TMCO5A: variants seen among roughly 807,000 people sequenced by gnomAD.
TMCO5A encodes the protein transmembrane and coiled-coil domains 5A, also known as transmembrane and coiled-coil domain-containing protein 5A.
In TMCO5A, 34 loss-of-function variants were observed where a neutral mutation model predicts 42.3. The ratio of observed to expected loss-of-function variants is 0.80; its 90% CI spans 0.61 to 1.07. The LOEUF (loss-of-function observed/expected upper bound fraction) is 1.07. Ranked by LOEUF, TMCO5A falls within the 50% of genes least tolerant of loss-of-function variation. TMCO5A has a pLI of 0.00. For missense variants in TMCO5A, 357 were observed against 327.9 expected (o/e 1.09, Z -0.69); for synonymous variants, 131 against 115.6 (o/e 1.13, Z -0.86).
At chr15:38,000,502 A>T in the TMCO5A span, among the ~76,000 whole-genome samples, 2 of 151,658 alleles carry the variant, frequency 1.3e-5, no homozygotes, top group African/African-American at 4.8e-5. Context: ...ATTTTTATTT[A>T]AATTTCATTC....
intron 11 of TMCO5A, among the ~76,000 whole-genome samples, chr15:37,964,901 T>TC (rs1890519688): frequency 1.3e-5 from 2 of 151,944 alleles, no homozygotes; most frequent in African/African-American, 4.8e-5. Flanking sequence ...TCACATAAAT[T>TC]TAAAAAAACT....
chr15:37,967,897 A>T (rs1278431546), downstream of TMCO5A, among the ~76,000 whole-genome samples: 1 of 152,150 alleles, frequency 6.6e-6, no homozygotes, highest in Non-Finnish European at 1.5e-5. Context: ...GTGAGAACAC[A>T]TAATGTCACT....
the TMCO5A span, among the ~76,000 whole-genome samples, chr15:38,008,441 T>A: frequency 4.6e-5 from 7 of 152,094 alleles, no homozygotes; most frequent in Non-Finnish European, 8.8e-5. Context: ...CTCAAAACAC[T>A]TTTTTCTATG....
the TMCO5A span, among the ~76,000 whole-genome samples, chr15:38,006,975 A>G: frequency 5.8e-4 from 89 of 152,280 alleles, no homozygotes; most frequent in African/African-American, 2.0e-3. Flanking sequence ...TGGATTAAAA[A>G]AAAATGGGTG....
downstream of TMCO5A, among the ~76,000 whole-genome samples, chr15:37,968,582 C>CTTTTTT (rs61091144): frequency 7.6e-6 from 1 of 131,154 alleles, no homozygotes. Flanking sequence ...TTCTACATTT[C>CTTTTTT]TTTTTTTTTT....
rs956155122 is a variant in TMCO5A at position 37,944,345 on chromosome 15, C to T, written c.627+947C>T. 5.3e-5 allele frequency: 8 copies of T among 152,172 alleles called. No homozygotes were observed. In the East Asian group the frequency reaches 1.6e-3, roughly 30 times the overall value. 9.4% of individuals were successfully genotyped at this position (152,172 alleles called of 1,614,324 possible). A position where few individuals can be genotyped will look rare whatever the true frequency, so the allele number is the denominator to read the frequency against. ...TTTTTGACATCTCCAATGTGTCCTACCATCTCTCCCCACAGCTCATCAAAA... is the reference window on the plus strand; with the variant it reads ...TTTTTGACATCTCCAATGTGTCCTATCATCTCTCCCCACAGCTCATCAAAA... On this transcript the variant is annotated intron_variant, in intron 10 of 11. Transcript: ENST00000319669.
the TMCO5A span, among the ~76,000 whole-genome samples, chr15:37,986,351 C>T: frequency 1.1e-4 from 15 of 141,132 alleles, no homozygotes; most frequent in Non-Finnish European, 1.5e-4. Flanking sequence ...CTGATGGAAG[C>T]GAAAAAAGAG....
chr15:37,973,209 T>C, the TMCO5A span, among the ~76,000 whole-genome samples: 1 of 151,820 alleles, frequency 6.6e-6, no homozygotes, highest in Non-Finnish European at 1.5e-5. Flanking sequence ...TGTAGTATAG[T>C]TTGAAGTCAG....
chr15:37,978,848 C>T, the TMCO5A span, among the ~76,000 whole-genome samples: 3 of 152,262 alleles, frequency 2.0e-5, no homozygotes, highest in South Asian at 4.1e-4. Context: ...GCGGCATCTG[C>T]TTCTGGGGAG....
At chr15:38,036,361 C>T in the TMCO5A span, among the ~76,000 whole-genome samples, 1 of 152,058 alleles carries the variant, frequency 6.6e-6, no homozygotes, top group African/African-American at 2.4e-5. Flanking sequence ...TTAGGACTTC[C>T]ACTACTCCCT....
At chr15:37,955,261 A>C (rs1595603426), downstream of TMCO5A, among the ~76,000 whole-genome samples, 1 of 151,296 alleles carries the variant, frequency 6.6e-6, no homozygotes. Context: ...AGAGTAAAAA[A>C]AAAAAAAAAA....
At chr15:37,960,332 T>A (rs947015203) in intron 11 of TMCO5A, among the ~76,000 whole-genome samples, 1 of 152,052 alleles carries the variant, frequency 6.6e-6, no homozygotes, top group African/African-American at 2.4e-5. Context: ...TGGCCTCCAA[T>A]CTCATCCAGG....
At chr15:38,027,996 C>T in the TMCO5A span, among the ~76,000 whole-genome samples, 48 of 152,212 alleles carry the variant, frequency 3.2e-4, 1 homozygote, top group South Asian at 4.8e-3. Flanking sequence ...TCTTTATTAG[C>T]AGCATGAAAA....
At chr15:37,948,448 G>T (rs1890041512) in intron 11 of TMCO5A, among the ~76,000 whole-genome samples, 1 of 151,994 alleles carries the variant, frequency 6.6e-6, no homozygotes, top group African/African-American at 2.4e-5. Context: ...TAGAAAATTT[G>T]CTTAAGTAGA....
At chr15:37,949,045 C>A (rs1249306606) in intron 11 of TMCO5A, among the ~76,000 whole-genome samples, 1 of 151,562 alleles carries the variant, frequency 6.6e-6, no homozygotes, top group Non-Finnish European at 1.5e-5. Flanking sequence ...CAGAGGCATC[C>A]CAAAACAGCT....
chr15:38,007,721 A>T, the TMCO5A span, among the ~76,000 whole-genome samples: 1 of 152,062 alleles, frequency 6.6e-6, no homozygotes, highest in Non-Finnish European at 1.5e-5. Flanking sequence ...TGCCATGAGT[A>T]ACTAGAGGTC....
chr15:37,976,387 G>A, the TMCO5A span, among the ~76,000 whole-genome samples: 1 of 151,934 alleles, frequency 6.6e-6, no homozygotes, highest in African/African-American at 2.4e-5. Context: ...TGTGTCTTGG[G>A]GATAGTCATC....
chr15:38,010,425 T>TCACACACACACACA, the TMCO5A span, among the ~76,000 whole-genome samples: 2,224 of 117,326 alleles, frequency 0.019, 31 homozygotes, highest in African/African-American at 0.033. Flanking sequence ...CAGAGGGAGA[T>TCACACACACACACA]CACACACACA....
chr15:37,966,487 C>A (rs1890559344), intron 11 of TMCO5A: 2 of 666,518 alleles, frequency 3.0e-6, no homozygotes, highest in Middle Eastern at 2.5e-4. Flanking sequence ...TCTCATATAC[C>A]CCATAAATAT....
Sources: allele counts gnomAD v4.1 joint callset (sites outside exome capture counted in the v4.1 genomes callset), GRCh38; gene constraint gnomAD v4.1.1; transcripts MANE v1.5; gene names NCBI Gene and HGNC (gene_info 2026-07-23, HGNC 2026-07-21).